The following RBM39 variants were observed in gnomAD, a reference collection of about 807,000 sequenced individuals.
RBM39 encodes RNA-binding protein 39.
Under a neutral mutation model 79.6 loss-of-function variants are expected in RBM39, and 12 were observed. That is an observed-to-expected ratio of 0.15 (90% CI 0.10 to 0.24). The LOEUF (loss-of-function observed/expected upper bound fraction) is 0.24. Ranked by LOEUF, RBM39 falls within the 10% of genes least tolerant of loss-of-function variation. RBM39 has a pLI of 1.00. For synonymous variants in RBM39, 185 were observed against 208.4 expected, an observed-to-expected ratio of 0.89 and a Z score of 0.97; for missense variants, 243 against 653.4, an observed-to-expected ratio of 0.37 and a Z score of 6.85.
intron 6 of RBM39, among the ~76,000 whole-genome samples, chr20:35,726,719 A>C (rs954656243): frequency 2.6e-5 from 4 of 152,254 alleles, no homozygotes; most frequent in African/African-American, 4.8e-5. Flanking sequence ...TTAAGGTTGT[A>C]AGTCATCCTT....
At chr20:35,730,663 G>C (rs1192970245) in intron 4 of RBM39, among the ~76,000 whole-genome samples, 1 of 151,994 alleles carries the variant, frequency 6.6e-6, no homozygotes, top group Non-Finnish European at 1.5e-5. Flanking sequence ...AGCAAACAAA[G>C]TATCCATCAC....
chr20:35,708,845 T>A (rs538775555), intron 13 of RBM39: 1 of 192,226 alleles, frequency 5.2e-6, no homozygotes, highest in South Asian at 8.8e-5. Flanking sequence ...AACTTTATAC[T>A]AAGACAACTT....
intron 10 of RBM39, among the ~76,000 whole-genome samples, chr20:35,715,453 G>A (rs749076777): frequency 2.0e-5 from 3 of 152,100 alleles, no homozygotes; most frequent in Non-Finnish European, 4.4e-5. Flanking sequence ...TGGCATCACA[G>A]GCGTGAGCCA....
chr20:35,724,514 A>G, intron 8 of RBM39, 56 bp downstream of exon 8: 1 of 1,571,912 alleles, frequency 6.4e-7, no homozygotes, highest in Non-Finnish European at 8.7e-7. Context: ...TATACCATGC[A>G]ACAGGAGGCT....
chr20:35,727,771 TCC>T (rs2038915810), intron 6 of RBM39, among the ~76,000 whole-genome samples: 1 of 151,874 alleles, frequency 6.6e-6, no homozygotes, highest in African/African-American at 2.4e-5. Context: ...TGCCTCAGCC[TCC>T]CGAGTAGCTG....
intron 8 of RBM39, among the ~76,000 whole-genome samples, chr20:35,723,286 TAA>T (rs1255602222): frequency 7.2e-5 from 11 of 151,974 alleles, no homozygotes. Context: ...GCTTCTCTTG[TAA>T]CAAACTAGAG....
At position 35,722,457 on chromosome 20, in the gene RBM39, G is replaced by GT. The variant is rs1423718184; in HGVS notation, c.688-581_688-580insA. 1.7e-3 allele frequency among the ~76,000 whole-genome samples: 217 copies of GT among 131,248 alleles called. 4 individuals are homozygous for GT. Among genetic ancestry groups the GT allele is most frequent in the African/African-American group, 6.4e-3 (210 of 33,062 alleles). The allele number at this position is 131,248 out of a possible 152,430, so 86.1% of individuals were successfully genotyped here. ...ATAAAAATAAAAAGTTTATTTAGAG[G>GT]CTTTTTTTTTTTTTTTTTTGAGACA... On this transcript the variant is annotated intron_variant, in intron 8 of 16. Coordinates refer to ENST00000253363, the MANE Select transcript of RBM39 (RefSeq NM_184234.3).
chr20:35,706,454 C>T (rs1266271220), intron 14 of RBM39, among the ~76,000 whole-genome samples: 1 of 152,130 alleles, frequency 6.6e-6, no homozygotes, highest in Non-Finnish European at 1.5e-5. Flanking sequence ...ATTCAAGACT[C>T]TTTGGATGAA....
rs557064947 is a variant in RBM39, at chr20:35,724,761, G to T, written c.535-39C>A. 9.4e-5 allele frequency: 150 copies of T among 1,597,126 alleles called. 1 individual carries two copies. In the South Asian group the frequency reaches 1.1e-3, roughly 11 times the overall value. On this transcript the variant is annotated intron_variant, in intron 7 of 16. Coordinates refer to ENST00000253363, the MANE Select transcript of RBM39 (RefSeq NM_184234.3). Reference sequence around the variant, plus strand: ...ACAGTTGTTTGTGCAAACATCCATTGTAACACATGTAGAATTATTTCAAGA... The same window carrying T: ...ACAGTTGTTTGTGCAAACATCCATTTTAACACATGTAGAATTATTTCAAGA...
chr20:35,735,011 A>G, intron 3 of RBM39: 1 of 1,610,060 alleles, frequency 6.2e-7, no homozygotes, highest in Non-Finnish European at 8.5e-7. Flanking sequence ...CCTCTGCAGT[A>G]AAGGTGTTTT....
chr20:35,704,626 G>C (rs2035497498), intron 16 of RBM39, 42 bp downstream of exon 16: 1 of 1,609,916 alleles, frequency 6.2e-7, no homozygotes, highest in African/African-American at 1.3e-5. Context: ...CTTCATTATA[G>C]AGCCTTAATA....
At chr20:35,715,863 AG>A (rs1279516235) in intron 10 of RBM39, among the ~76,000 whole-genome samples, 1 of 151,856 alleles carries the variant, frequency 6.6e-6, no homozygotes, top group Non-Finnish European at 1.5e-5. Context: ...GTTACTTCAC[AG>A]GATGTCTTCC....
chr20:35,725,724 G>A (rs552235233), intron 6 of RBM39, among the ~76,000 whole-genome samples: 1 of 145,634 alleles, frequency 6.9e-6, no homozygotes, highest in Admixed American at 7.1e-5. Flanking sequence ...GTGCAACGGC[G>A]CCATCTTGGC....
At chr20:35,716,422 C>G (rs1407364594) in intron 10 of RBM39, among the ~76,000 whole-genome samples, 1 of 152,104 alleles carries the variant, frequency 6.6e-6, no homozygotes, top group African/African-American at 2.4e-5. Flanking sequence ...GCCACCTTCC[C>G]CACCATTATT....
intron 8 of RBM39, among the ~76,000 whole-genome samples, chr20:35,723,164 C>G (rs187650745): frequency 1.3e-5 from 2 of 150,916 alleles, no homozygotes; most frequent in African/African-American, 2.4e-5. Context: ...TATGCCATAA[C>G]ATAAAACTGT....
intron 13 of RBM39, 107 bp downstream of exon 13, chr20:35,709,117 G>A (rs2036106782): frequency 9.8e-7 from 1 of 1,015,598 alleles, no homozygotes; most frequent in African/African-American, 1.6e-5. Flanking sequence ...TCAAAATTTG[G>A]TCCAAATTAC....
At chr20:35,711,426 A>G (rs912251652) in intron 12 of RBM39, among the ~76,000 whole-genome samples, 8 of 152,226 alleles carry the variant, frequency 5.3e-5, no homozygotes, top group Non-Finnish European at 1.2e-4. Context: ...TAAGCTCAAA[A>G]TAAATTATGT....
At chr20:35,708,922 A>G (rs2036078758) in intron 13 of RBM39, 1 of 248,282 alleles carries the variant, frequency 4.0e-6, no homozygotes, top group Non-Finnish European at 7.8e-6. Flanking sequence ...CCTGACTTCT[A>G]TATGCAACTT....
intron 8 of RBM39, among the ~76,000 whole-genome samples, chr20:35,722,938 G>GAAA (rs11479374): frequency 2.0e-5 from 2 of 97,616 alleles, no homozygotes; most frequent in South Asian, 2.9e-4. Flanking sequence ...CGTCTCAAGA[G>GAAA]AAAAAAAAAA....
Sources: allele counts gnomAD v4.1 joint callset (sites outside exome capture counted in the v4.1 genomes callset), GRCh38; gene constraint gnomAD v4.1.1; transcripts MANE v1.5; gene names NCBI Gene and HGNC (gene_info 2026-07-23, HGNC 2026-07-21).